Variants in PAPSS2 observed in about 807,000 individuals in gnomAD.
PAPSS2 encodes 3'-phosphoadenosine 5'-phosphosulfate synthase 2.
A neutral mutation model predicts 66.5 loss-of-function variants in PAPSS2; 61 were observed. The observed-to-expected ratio is 0.92, with a 90% CI of 0.75 to 1.14. The LOEUF is 1.14. PAPSS2 is among the 50% of genes most tolerant of loss of function. PAPSS2 has a pLI of 0.00. For synonymous variants in PAPSS2, 289 were observed against 287.5 expected, an observed-to-expected ratio of 1.01 and a Z score of -0.05; for missense variants, 708 against 789.6, an observed-to-expected ratio of 0.90 and a Z score of 1.24.
chr10:87,661,215 AT>A (rs1852748603), intron 1 of PAPSS2, among the ~76,000 whole-genome samples: 1 of 151,908 alleles, frequency 6.6e-6, no homozygotes, highest in African/African-American at 2.4e-5. Context: ...TAGAAGGGTC[AT>A]TTGAGCAGCA....
At chr10:87,670,083 C>T (rs1049706613) in intron 1 of PAPSS2, among the ~76,000 whole-genome samples, 6 of 152,174 alleles carry the variant, frequency 3.9e-5, no homozygotes, top group Non-Finnish European at 7.4e-5. Context: ...CACTATCACA[C>T]GCATTTCTTT....
chr10:87,677,943 A>G (rs1159849716), intron 1 of PAPSS2, among the ~76,000 whole-genome samples: 1 of 152,220 alleles, frequency 6.6e-6, no homozygotes, highest in Non-Finnish European at 1.5e-5. Context: ...AAAGATAAGC[A>G]TTTTAAGAAT....
At chr10:87,691,328 A>T (rs1482861025) in intron 1 of PAPSS2, among the ~76,000 whole-genome samples, 1 of 152,172 alleles carries the variant, frequency 6.6e-6, no homozygotes, top group Non-Finnish European at 1.5e-5. Flanking sequence ...TATTCCAGGC[A>T]TACAGATTCA....
intron 1 of PAPSS2, among the ~76,000 whole-genome samples, chr10:87,683,390 C>T (rs1026042069): frequency 1.3e-5 from 2 of 152,168 alleles, no homozygotes; most frequent in African/African-American, 2.4e-5. Context: ...GGATTACAGG[C>T]GTGAGCCACC....
chr10:87,706,106 A>ATGTGTGTG (rs1223497557), intron 1 of PAPSS2, among the ~76,000 whole-genome samples: 41 of 85,262 alleles, frequency 4.8e-4, no homozygotes, highest in African/African-American at 2.4e-3. Context: ...ATATATATAT[A>ATGTGTGTG]TATGTGTGTG....
At chr10:87,733,034 T>G (rs1853748679) in intron 9 of PAPSS2, among the ~76,000 whole-genome samples, 1 of 152,218 alleles carries the variant, frequency 6.6e-6, no homozygotes, top group Non-Finnish European at 1.5e-5. Flanking sequence ...GCAAAATAAT[T>G]CTTTTTGCTG....
chr10:87,713,316 A>G lies in PAPSS2; in HGVS notation c.381+6A>G, dbSNP rs891422264. The G allele has an allele frequency of 1.3e-5, 14 of 1,056,000 alleles. No homozygotes were observed. The highest frequency in any genetic ancestry group is 1.7e-5 in the Non-Finnish European group (13 of 751,646). The allele number at this position is 1,056,000 out of a possible 1,614,324, so 65.4% of individuals were successfully genotyped here. Reference sequence around the variant, plus strand: ...TTATTTCTCCATTCGCAAAGGTAAAAAAAAAAAAAAAAAAAAAAGGCACTA... The same window carrying G: ...TTATTTCTCCATTCGCAAAGGTAAAGAAAAAAAAAAAAAAAAAAGGCACTA... On this transcript the variant is annotated splice_donor_region_variant and intron_variant, in intron 3 of 12. Transcript: ENST00000456849.
At chr10:87,727,553 T>C in intron 9 of PAPSS2, 64 bp downstream of exon 9, 1 of 1,326,788 alleles carries the variant, frequency 7.5e-7, no homozygotes, top group South Asian at 1.3e-5. Flanking sequence ...AAAATAACTC[T>C]TTTTAATTCC....
At chr10:87,680,468 G>A (rs548180273) in intron 1 of PAPSS2, among the ~76,000 whole-genome samples, 1 of 152,198 alleles carries the variant, frequency 6.6e-6, no homozygotes, top group African/African-American at 2.4e-5. Flanking sequence ...GTTCAGGGTG[G>A]GCCAGAAGGA....
Position 87,743,619 on chromosome 10 carries a change from T to A in PAPSS2, c.1469T>A (p.Met490Lys). 6.2e-7 allele frequency: 1 copy of A among 1,614,142 alleles called. No individual in the cohort carries two copies. Among genetic ancestry groups the A allele is most frequent in the South Asian group, 1.1e-5 (1 of 91,082 alleles). The change falls in exon 11 of 13, where the codon ATG becomes AAG. Residue 490 changes from methionine (M) to lysine (K), a missense_variant. By Grantham distance (95) the Met-to-Lys change is moderately conservative. Transcript: ENST00000456849. ...STIVAIFPSP[M>K]LYAGPTEVQW... ...ATTGTTGCCATCTTTCCGTCTCCCATGTTATATGCTGGCCCCACAGAGGTG... is the reference window on the plus strand; with the variant it reads ...ATTGTTGCCATCTTTCCGTCTCCCAAGTTATATGCTGGCCCCACAGAGGTG...
intron 7 of PAPSS2, among the ~76,000 whole-genome samples, chr10:87,719,910 G>A (rs1853574471): frequency 1.3e-5 from 2 of 152,144 alleles, no homozygotes; most frequent in African/African-American, 2.4e-5. Context: ...TTTTGAGACA[G>A]AGTCTCGCTC....
intron 7 of PAPSS2, 49 bp downstream of exon 7, chr10:87,715,892 A>T: frequency 8.2e-7 from 1 of 1,226,758 alleles, no homozygotes. Context: ...GGAAAAAAAA[A>T]AATCTTTCCC....
At chr10:87,662,908 CT>C (rs1852770110) in intron 1 of PAPSS2, among the ~76,000 whole-genome samples, 1 of 151,348 alleles carries the variant, frequency 6.6e-6, no homozygotes, top group Middle Eastern at 3.2e-3. Flanking sequence ...GAGTCTCACT[CT>C]GTCACCCAGG....
At chr10:87,743,333 G>C (rs1405074238) in intron 10 of PAPSS2, 40 bp from the exon 11 acceptor site, 1 of 1,604,116 alleles carries the variant, frequency 6.2e-7, no homozygotes, top group Non-Finnish European at 8.5e-7. Context: ...ATGACACCAT[G>C]TGTTTCTGTG....
rs772429464 is a variant in PAPSS2 at position 87,743,534 on chromosome 10, TG to T, written c.1386del (p.Trp462CysfsTer3). ...WTKDDDVPLD[W>X]RMKQHAAVLE... ...CAAGGATGACGATGTGCCTCTAGACTGGCGGATGAAGCAGCACGCGGCTGTG... is the reference window on the plus strand; with the variant it reads ...CAAGGATGACGATGTGCCTCTAGACTGCGGATGAAGCAGCACGCGGCTGTG... On this transcript the variant is annotated frameshift_variant, in exon 11 of 13. Coordinates refer to ENST00000456849, the MANE Select transcript of PAPSS2 (RefSeq NM_001015880.2). LOFTEE classifies it high-confidence loss of function. 6.2e-6 allele frequency: 10 copies of T among 1,614,114 alleles called. No individual in the cohort carries two copies. Among genetic ancestry groups the T allele is most frequent in the Non-Finnish European group, 7.6e-6 (9 of 1,180,004 alleles).
At chr10:87,686,593 A>G (rs987705788) in intron 1 of PAPSS2, among the ~76,000 whole-genome samples, 2 of 152,198 alleles carry the variant, frequency 1.3e-5, no homozygotes, top group African/African-American at 4.8e-5. Flanking sequence ...TAAAATCTGA[A>G]TGTGCTTAGA....
intron 1 of PAPSS2, 53 bp from the exon 2 acceptor site, chr10:87,709,143 A>G (rs1853432601): frequency 1.9e-5 from 22 of 1,154,280 alleles, no homozygotes; most frequent in Non-Finnish European, 2.9e-5. Context: ...GCTCCAGTGA[A>G]GAATATGTGT....
intron 11 of PAPSS2, among the ~76,000 whole-genome samples, chr10:87,744,779 T>C (rs1438035850): frequency 6.6e-6 from 1 of 152,202 alleles, no homozygotes; most frequent in Non-Finnish European, 1.5e-5. Flanking sequence ...AAATACAACC[T>C]TGAGTTATGA....
intron 9 of PAPSS2, among the ~76,000 whole-genome samples, chr10:87,740,946 T>A (rs184040756): frequency 6.6e-6 from 1 of 152,338 alleles, no homozygotes; most frequent in Non-Finnish European, 1.5e-5. Context: ...TAGCTTTAGA[T>A]GGATTGATAA....
Sources: allele counts gnomAD v4.1 joint callset (sites outside exome capture counted in the v4.1 genomes callset), GRCh38; gene constraint gnomAD v4.1.1; transcripts MANE v1.5; gene names NCBI Gene and HGNC (gene_info 2026-07-23, HGNC 2026-07-21).